The following CTSW variants were observed in gnomAD, a reference collection of about 807,000 sequenced individuals.
CTSW encodes the protein cathepsin W.
In CTSW, 42 loss-of-function variants were observed where a neutral mutation model predicts 43.8. The ratio of observed to expected loss-of-function variants is 0.96; its 90% CI spans 0.75 to 1.24. CTSW has a LOEUF of 1.24. Among genes scored for constraint, CTSW ranks in the 50% most tolerant of loss-of-function variants. The pLI is 0.00. For missense variants in CTSW, 475 were observed against 479.9 expected, an observed-to-expected ratio of 0.99 and a Z score of 0.09; for synonymous variants, 191 against 184.8, an observed-to-expected ratio of 1.03 and a Z score of -0.27.
rs190382946 is a variant in CTSW at position 65,880,613 on chromosome 11, G to T, written c.172+327G>T. The T allele has an allele frequency of 5.9e-4, 153 of 260,244 alleles. 1 individual carries two copies. Among genetic ancestry groups the T allele is most frequent in the Non-Finnish European group, 1.1e-4 (15 of 132,822 alleles). The allele number at this position is 260,244 out of a possible 1,614,324, so 16.1% of individuals were successfully genotyped here. ...TGGGATTACAGGTGTAAGCCACGGAGCCCAGCCATCCCGCTTTGTAATAGA... is the reference window on the plus strand; with the variant it reads ...TGGGATTACAGGTGTAAGCCACGGATCCCAGCCATCCCGCTTTGTAATAGA... On this transcript the variant is annotated intron_variant, in intron 2 of 9. Transcript: ENST00000307886.
chr11:65,882,394 G>C (rs36040365), intron 4 of CTSW, 36 bp from the exon 5 acceptor site: 9 of 1,613,706 alleles, frequency 5.6e-6, no homozygotes, highest in Non-Finnish European at 6.8e-6. Flanking sequence ...GGCACGGCCC[G>C]AACACCTAGC....
At position 65,883,209 on chromosome 11, in the gene CTSW, C is replaced by G. The variant is rs1467286087; in HGVS notation, c.811-6C>G. On this transcript the variant is annotated splice_region_variant and splice_polypyrimidine_tract_variant and intron_variant, in intron 8 of 9. Transcript: ENST00000307886. Reference sequence around the variant, plus strand: ...CACTCAGCCCCTCGGCCCCCACCCCCTGCAGCTATACCGGAAAGGTGTGAT... The same window carrying G: ...CACTCAGCCCCTCGGCCCCCACCCCGTGCAGCTATACCGGAAAGGTGTGAT... 6.2e-7 allele frequency: 1 copy of G among 1,613,600 alleles called. No individual in the cohort carries two copies. The highest frequency in any genetic ancestry group is 8.5e-7 in the Non-Finnish European group (1 of 1,179,912).
chr11:65,882,423 C>T lies in CTSW; in HGVS notation c.442-7C>T, dbSNP rs368157527. ...ACCTAGCCCCGCCCCACCCTCTCGC[C>T]CTCCAGAAAAACTGCAACTGCTGCT... is the stretch of plus-strand genomic sequence containing the variant. On this transcript the variant is annotated splice_region_variant and splice_polypyrimidine_tract_variant and intron_variant, in intron 4 of 9. Transcript: ENST00000307886. 12 of 1,614,064 alleles carry T rather than the reference C, an allele frequency of 7.4e-6. No individual in the cohort carries two copies. The African/African-American group carries it at 1.3e-4, about 18-fold the overall frequency.
At chr11:65,881,981 G>A (rs1048140115) in intron 3 of CTSW, among the ~76,000 whole-genome samples, 194 bp from the exon 4 acceptor site, 3 of 152,122 alleles carry the variant, frequency 2.0e-5, no homozygotes, top group Non-Finnish European at 2.9e-5. Context: ...ATGGGGTCTC[G>A]GACTCCTGAC....
Position 65,882,866 on chromosome 11 carries a change from G to A in CTSW, c.707G>A (p.Trp236Ter). ...CHPKKYQKVA[W>*]IQDFIMLQNN... ...CCCAAGAAGTACCAGAAGGTGGCCT[G>A]GATCCAGGACTTCATCATGCTGCAG... Residue 236 changes from tryptophan (W) to a stop codon, truncating the protein, a stop_gained, in exon 7 of 10, where the codon TGG becomes TAG. Transcript: ENST00000307886. LOFTEE classifies it high-confidence loss of function. 1.9e-6 allele frequency: 3 copies of A among 1,614,152 alleles called. No individual in the cohort carries two copies. The highest frequency in any genetic ancestry group is 3.3e-4 in the Middle Eastern group (2 of 6,060).
Position 65,882,513 on chromosome 11 carries a change from T to C in CTSW, c.525T>C (p.Asp175=), listed in dbSNP as rs687672. 0.79 allele frequency: 1,277,908 copies of C among 1,613,942 alleles called. 510,195 individuals are homozygous for C. Among genetic ancestry groups the C allele is most frequent in the South Asian group, 0.89 (80,778 of 91,072 alleles). ...GCATCAGTTTCTGGGATTTTGTGGA[T>C]GTCTCCGTGCAGGGTAGGGTTGGGA... is the stretch of plus-strand genomic sequence containing the variant. ...LWRISFWDFV[D]VSVQELLDCG... is the part of the protein sequence containing the mutation. The change falls in exon 5 of 10, where the codon GAT becomes GAC. Residue 175 remains aspartate, a synonymous_variant. Transcript: ENST00000307886.
chr11:65,880,275 T>C lies in CTSW; in HGVS notation c.161T>C (p.Leu54Pro). The part of the protein sequence containing the change: ...LFQIQFNRSY[L>P]SPEEHAHRLD... ...CAGATCCAGTTCAACCGGAGTTACC[T>C]GAGCCCAGAAGGTATCACAGGGCAC... The change falls in exon 2 of 10, where the codon CTG becomes CCG. Residue 54 changes from leucine (L) to proline (P), a missense_variant. Coordinates refer to ENST00000307886, the MANE Select transcript of CTSW (RefSeq NM_001335.4). The C allele has an allele frequency of 6.2e-7, 1 of 1,613,286 alleles. No homozygotes were observed.
intron 3 of CTSW, 24 bp downstream of exon 3, chr11:65,881,544 T>C (rs1311315371): frequency 1.3e-6 from 2 of 1,533,602 alleles, no homozygotes; most frequent in Admixed American, 1.8e-5. Flanking sequence ...TTCTGGCTCG[T>C]AGGTGGTGGT....
At chr11:65,881,784 G>C (rs1408162137) in intron 3 of CTSW, among the ~76,000 whole-genome samples, 1 of 152,136 alleles carries the variant, frequency 6.6e-6, no homozygotes, top group Non-Finnish European at 1.5e-5. Context: ...TCTAGGCTTG[G>C]CACCCTTGCC....
intron 7 of CTSW, 74 bp from the exon 8 acceptor site, chr11:65,882,995 G>T: frequency 1.9e-6 from 3 of 1,612,182 alleles, no homozygotes; most frequent in Non-Finnish European, 2.5e-6. Context: ...AAGACAAGAG[G>T]GGGTGGGGGG....
At chr11:65,880,686 T>G in intron 2 of CTSW, 1 of 223,748 alleles carries the variant, frequency 4.5e-6, no homozygotes, top group Non-Finnish European at 8.9e-6. Context: ...CCAAGGCCAC[T>G]CAGCAGGACA....
rs764122233 is a variant in CTSW, at chr11:65,883,261, C to G, written c.857C>G (p.Pro286Arg). 1.1e-5 allele frequency: 18 copies of G among 1,614,000 alleles called. No individual in the cohort carries two copies. Among genetic ancestry groups the G allele is most frequent in the Non-Finnish European group, 1.4e-5 (17 of 1,179,970 alleles). ...AAGGCCACACCCACCACCTGTGACC[C>G]CCAGCTTGTGGACCACTCTGTCCTG... ...VIKATPTTCD[P>R]QLVDHSVLLV... is the part of the protein sequence containing the mutation. The change falls in exon 9 of 10, where the codon CCC becomes CGC. Residue 286 changes from proline to arginine, a missense_variant. Pro to Arg is a moderately radical substitution (Grantham distance 103). Coordinates refer to ENST00000307886, the MANE Select transcript of CTSW (RefSeq NM_001335.4).
chr11:65,880,217 C>T lies in CTSW; in HGVS notation c.103C>T (p.Pro35Ser), dbSNP rs760292410. 6.2e-7 allele frequency: 1 copy of T among 1,614,170 alleles called. No homozygotes were observed. Among genetic ancestry groups the T allele is most frequent in the South Asian group, 1.1e-5 (1 of 91,084 alleles). Reference sequence around the variant, plus strand: ...TCCTTGCCAGGACCTAGGTCCCCAGCCGCTAGAGCTGAAAGAGGCCTTCAA... The same window carrying T: ...TCCTTGCCAGGACCTAGGTCCCCAGTCGCTAGAGCTGAAAGAGGCCTTCAA... Reference protein sequence around the residue: ...PLRAQDLGPQPLELKEAFKLF... With the variant: ...PLRAQDLGPQSLELKEAFKLF... Residue 35 changes from proline to serine, a missense_variant, in exon 2 of 10, where the codon CCG becomes TCG. Pro to Ser is a moderately conservative substitution (Grantham distance 74). Transcript: ENST00000307886.
Position 65,881,395 on chromosome 11 carries a change from C to A in CTSW, c.173-12C>A. 1 of 1,576,376 alleles carries A rather than the reference C, an allele frequency of 6.3e-7. No homozygotes were observed. The highest frequency in any genetic ancestry group is 1.1e-5 in the South Asian group (1 of 87,372). On this transcript the variant is annotated splice_polypyrimidine_tract_variant and intron_variant, in intron 2 of 9. Transcript: ENST00000307886. ...TTGGGAGTCAGCCTAGGACAACTCC[C>A]TTTTGGTCCAGAGCATGCTCACCGC...
chr11:65,880,036 T>C (rs770071202), intron 1 of CTSW, 95 bp downstream of exon 1: 51 of 1,293,230 alleles, frequency 3.9e-5, no homozygotes, highest in Non-Finnish European at 5.5e-5. Context: ...TCAGAGGGAG[T>C]TGCTGAGGCT....
chr11:65,882,374 G>A (rs771883850), intron 4 of CTSW, 45 bp downstream of exon 4: 2 of 1,613,836 alleles, frequency 1.2e-6, no homozygotes, highest in East Asian at 2.2e-5. Context: ...TAAGTGGTGG[G>A]AGGGAGAGGG....
Position 65,882,486 on chromosome 11 carries a change from G to A in CTSW, c.498G>A (p.Trp166Ter), listed in dbSNP as rs113492674. 36 of 1,614,222 alleles carry A rather than the reference G, an allele frequency of 2.2e-5. No homozygotes were observed. In the African/African-American group the frequency reaches 3.3e-4, roughly 15 times the overall value. Residue 166 changes from tryptophan (W) to a stop codon, truncating the protein, a stop_gained, in exon 5 of 10, where the codon TGG becomes TGA. Coordinates refer to ENST00000307886, the MANE Select transcript of CTSW (RefSeq NM_001335.4). LOFTEE classifies it high-confidence loss of function. ...CGGCAGGCAACATAGAGACCCTGTG[G>A]CGCATCAGTTTCTGGGATTTTGTGG... The part of the protein sequence containing the change: ...MAAAGNIETL[W>*]RISFWDFVDV...
Position 65,882,291 on chromosome 11 carries a change from C to T in CTSW, c.403C>T (p.Arg135Trp), listed in dbSNP as rs748796495. The change falls in exon 4 of 10, where the codon CGG (arginine) becomes TGG (tryptophan). Residue 135 changes from arginine to tryptophan, a missense_variant. Arg to Trp is a moderately radical substitution (Grantham distance 101, BLOSUM62 -3). Transcript: ENST00000307886. The part of the protein sequence containing the change: ...EESVPFSCDW[R>W]KVASAISPIK... ...GTCAGTACCTTTCAGCTGTGACTGG[C>T]GGAAGGTGGCCAGCGCCATCTCACC... 51 of 1,614,008 alleles carry T rather than the reference C, an allele frequency of 3.2e-5. No homozygotes were observed. The highest frequency in any genetic ancestry group is 1.6e-4 in the Middle Eastern group (1 of 6,084).
Position 65,880,282 on chromosome 11 carries a change from A to G in CTSW, c.168A>G (p.Pro56=). 1 of 1,612,858 alleles carries G rather than the reference A, an allele frequency of 6.2e-7. No homozygotes were observed. Among genetic ancestry groups the G allele is most frequent in the African/African-American group, 1.3e-5 (1 of 74,878 alleles). ...QIQFNRSYLS[P]EEHAHRLDIF... Reference sequence around the variant, plus strand: ...AGTTCAACCGGAGTTACCTGAGCCCAGAAGGTATCACAGGGCACATACATC... The same window carrying G: ...AGTTCAACCGGAGTTACCTGAGCCCGGAAGGTATCACAGGGCACATACATC... The change falls in exon 2 of 10, where the codon CCA becomes CCG. Residue 56 remains proline, a synonymous_variant. Transcript: ENST00000307886.
Sources: gnomAD v4.1 joint callset for allele counts (sites outside exome capture counted in the v4.1 genomes callset) on GRCh38, gnomAD v4.1.1 for gene constraint, MANE v1.5 for transcripts, NCBI Gene and HGNC (gene_info 2026-07-23, HGNC 2026-07-21) for gene names.